The following CACNA1E variants were observed in gnomAD, a reference collection of about 807,000 sequenced individuals.
CACNA1E encodes calcium voltage-gated channel subunit alpha1 E.
CACNA1E carries 40 observed loss-of-function variants against 259.2 expected under a neutral mutation model. The ratio of observed to expected loss-of-function variants is 0.15; its 90% confidence interval spans 0.12 to 0.20. The LOEUF is 0.20. Among genes scored for constraint, CACNA1E ranks in the 10% least tolerant of loss-of-function variants. The probability of loss-of-function intolerance (pLI) is 1.00; values close to 1 mark genes in which losing one functional copy is unlikely to be tolerated. For synonymous variants in CACNA1E, 1,104 were observed against 1,138.5 expected, an observed-to-expected ratio of 0.97 and a Z score of 0.61; for missense variants, 1,874 against 3,040.1, an observed-to-expected ratio of 0.62 and a Z score of 9.02.
intron 6 of CACNA1E, among the ~76,000 whole-genome samples, chr1:181,643,059 A>G (rs1405108226): frequency 2.6e-5 from 4 of 152,186 alleles, no homozygotes; most frequent in Admixed American, 2.0e-4. Context: ...TGACTAAAAA[A>G]GGTTTTCTTT....
chr1:181,653,490 G>A (rs1046027261), intron 7 of CACNA1E, among the ~76,000 whole-genome samples: 3 of 152,172 alleles, frequency 2.0e-5, no homozygotes, highest in Admixed American at 6.5e-5. Flanking sequence ...TCCATGAAAC[G>A]TCTTTCTTTT....
At chr1:181,550,595 A>T (rs1164561202) in intron 3 of CACNA1E, among the ~76,000 whole-genome samples, 2 of 152,140 alleles carry the variant, frequency 1.3e-5, no homozygotes, top group Admixed American at 1.3e-4. Context: ...TAGCAGGGAA[A>T]TGAGGGAGAA....
At position 181,798,609 on chromosome 1, in the gene CACNA1E, C is replaced by A. The variant is rs1662028019; in HGVS notation, c.6717C>A (p.Ser2239=). 3.7e-6 allele frequency: 6 copies of A among 1,613,206 alleles called. No homozygotes were observed. Among genetic ancestry groups the A allele is most frequent in the Non-Finnish European group, 5.1e-6 (6 of 1,179,780 alleles). Residue 2239 remains serine, a synonymous_variant, in exon 48 of 48, where the codon TCC becomes TCA. Coordinates refer to ENST00000367573, the MANE Select transcript of CACNA1E (RefSeq NM_001205293.3). This position sits in a 1 kb window ranked among gnomAD's most constrained non-coding sequence, Gnocchi z 4.2. The stretch of plus-strand genomic sequence containing the variant: ...CCTACTTGGCCCTGCACGAAGACTC[C>A]CACGCCTCAGACTGTGGTGAGGAGG... ...SEPYLALHED[S]HASDCGEEET...
At chr1:181,791,839 T>C (rs1661339026) in intron 44 of CACNA1E, among the ~76,000 whole-genome samples, 1 of 152,206 alleles carries the variant, frequency 6.6e-6, no homozygotes, top group Non-Finnish European at 1.5e-5. Flanking sequence ...TGCTACTGTG[T>C]ACCTCAGAGC....
chr1:181,721,658 G>T, intron 15 of CACNA1E, 100 bp from the exon 16 acceptor site: 1 of 614,050 alleles, frequency 1.6e-6, no homozygotes, highest in South Asian at 2.5e-5. Context: ...AAGCAAGGGG[G>T]TAGATGCAAA....
intron 6 of CACNA1E, among the ~76,000 whole-genome samples, chr1:181,650,025 A>G (rs1439089463): frequency 6.6e-6 from 1 of 152,246 alleles, no homozygotes; most frequent in Non-Finnish European, 1.5e-5. Context: ...GCTGTTGTTA[A>G]TGGATGAATC....
In CACNA1E at chr1:181,669,706, A is replaced by G. The variant is rs564779075; in HGVS notation, c.1055+18265A>G. Among the ~76,000 whole-genome samples the G allele has an allele frequency of 1.1e-3, 174 of 152,310 alleles. 1 individual carries two copies. The highest frequency in any genetic ancestry group is 1.7e-3 in the Admixed American group (26 of 15,296). On this transcript the variant is annotated intron_variant, in intron 7 of 47. Coordinates refer to ENST00000367573, the MANE Select transcript of CACNA1E (RefSeq NM_001205293.3). Reference sequence around the variant, plus strand: ...CCTCAAGTGAACAAATCAAAGGCCAACTTCCTGTTTGTGATGTCTGTATTC... The same window carrying G: ...CCTCAAGTGAACAAATCAAAGGCCAGCTTCCTGTTTGTGATGTCTGTATTC...
intron 2 of CACNA1E, among the ~76,000 whole-genome samples, chr1:181,425,330 C>T (rs1313587011): frequency 1.3e-5 from 2 of 152,038 alleles, no homozygotes; most frequent in South Asian, 2.1e-4. Context: ...CCACTGGCAA[C>T]CCCTTGCCAT....
intron 8 of CACNA1E, among the ~76,000 whole-genome samples, chr1:181,711,945 G>T (rs1041024851): frequency 1.3e-5 from 2 of 152,152 alleles, no homozygotes; most frequent in Admixed American, 6.5e-5. Flanking sequence ...CGTGCTGGCC[G>T]CATTGAGAAT....
intron 7 of CACNA1E, among the ~76,000 whole-genome samples, chr1:181,693,453 A>G (rs979004334): frequency 6.6e-6 from 1 of 152,212 alleles, no homozygotes; most frequent in African/African-American, 2.4e-5. Context: ...GTACATATAC[A>G]CCATGGAATA....
intron 1 of CACNA1E, among the ~76,000 whole-genome samples, chr1:181,355,621 CAA>C (rs779966331): frequency 6.6e-6 from 1 of 151,702 alleles, no homozygotes; most frequent in Non-Finnish European, 1.5e-5. Context: ...CAAAACAAAA[CAA>C]AACAAAACAA....
chr1:181,788,073 C>T (rs1004597040), intron 43 of CACNA1E, among the ~76,000 whole-genome samples: 8 of 152,148 alleles, frequency 5.3e-5, no homozygotes, highest in East Asian at 1.9e-4. Context: ...AACACCATTT[C>T]GTAGGTTACT....
At chr1:181,780,116 G>C (rs2102816458) in intron 38 of CACNA1E, among the ~76,000 whole-genome samples, 1 of 152,290 alleles carries the variant, frequency 6.6e-6, no homozygotes, top group Non-Finnish European at 1.5e-5. Flanking sequence ...ATTAGGGCAA[G>C]AGGTGAGAGT....
intron 1 of CACNA1E, among the ~76,000 whole-genome samples, chr1:181,341,896 G>A (rs6693236): frequency 0.18 from 26,856 of 152,158 alleles, 2,532 homozygotes; most frequent in South Asian, 0.2. Context: ...TGCTGAGAAT[G>A]CAGCAGTGAA....
At chr1:181,474,267 A>C (rs1362377062) in intron 2 of CACNA1E, among the ~76,000 whole-genome samples, 1 of 152,242 alleles carries the variant, frequency 6.6e-6, no homozygotes, top group Non-Finnish European at 1.5e-5. Context: ...CAAGCCTTTA[A>C]AGGAAAAAGC....
intron 7 of CACNA1E, among the ~76,000 whole-genome samples, chr1:181,685,122 G>T (rs994021257): frequency 3.4e-5 from 5 of 148,852 alleles, no homozygotes; most frequent in Non-Finnish European, 4.4e-5. Context: ...CTAATTAGGA[G>T]AATTTGATGA....
At chr1:181,373,647 C>T (rs1266798174) in intron 1 of CACNA1E, among the ~76,000 whole-genome samples, 3 of 151,220 alleles carry the variant, frequency 2.0e-5, no homozygotes, top group Non-Finnish European at 2.9e-5. Context: ...ACGCCATTCT[C>T]CTGCCTCAGC....
intron 7 of CACNA1E, among the ~76,000 whole-genome samples, chr1:181,657,601 T>C (rs1659309387): frequency 6.6e-6 from 1 of 152,182 alleles, no homozygotes; most frequent in Non-Finnish European, 1.5e-5. Flanking sequence ...GTAAAAATAT[T>C]GCACACACAC....
In CACNA1E at chr1:181,758,618, C is replaced by T. The variant is rs368197779; in HGVS notation, c.4495-140C>T. 7.1e-5 allele frequency: 40 copies of T among 564,724 alleles called. No homozygotes were observed. The highest frequency in any genetic ancestry group is 2.5e-4 in the African/African-American group (13 of 53,040). 35.0% of individuals were successfully genotyped at this position (564,724 alleles called of 1,614,324 possible). ...ATATGTGGTTCTCCTCTCCAGCACT[C>T]GAAGTCCATCTCTCCTCCTGTACCA... On this transcript the variant is annotated intron_variant, in intron 31 of 47. Transcript: ENST00000367573. This position sits in a 1 kb window ranked among gnomAD's most constrained non-coding sequence, Gnocchi z 4.2.
Sources: allele counts gnomAD v4.1 joint callset (sites outside exome capture counted in the v4.1 genomes callset), GRCh38; gene constraint gnomAD v4.1.1; non-coding constraint Gnocchi (gnomAD v3.1); transcripts MANE v1.5; gene names NCBI Gene and HGNC (gene_info 2026-07-23, HGNC 2026-07-21).